NIPSNAP1: variants seen among roughly 807,000 people sequenced by gnomAD.
The protein encoded by NIPSNAP1 is nipsnap homolog 1.
NIPSNAP1 carries 25 observed loss-of-function variants against 49.2 expected under a neutral mutation model. The ratio of observed to expected loss-of-function variants is 0.51; its 90% CI spans 0.37 to 0.71. The LOEUF (loss-of-function observed/expected upper bound fraction) is 0.71, where lower values mean the gene tolerates loss of function less well. NIPSNAP1 is among the 30% of genes least tolerant of loss of function. The pLI, the probability that NIPSNAP1 is intolerant of heterozygous loss-of-function variation, is 0.00. For synonymous variants in NIPSNAP1, 143 were observed against 140.7 expected, an observed-to-expected ratio of 1.02 and a Z score of -0.12; for missense variants, 294 against 361.0, an observed-to-expected ratio of 0.81 and a Z score of 1.50.
chr22:29,557,984 T>C (rs2064307710), intron 9 of NIPSNAP1, among the ~76,000 whole-genome samples: 1 of 152,162 alleles, frequency 6.6e-6, no homozygotes, highest in Non-Finnish European at 1.5e-5. Flanking sequence ...TGTTCAAGGC[T>C]GGGCACAGTA....
chr22:29,572,801 A>AAAAAT lies in NIPSNAP1; in HGVS notation c.99-2274_99-2270dup, dbSNP rs1555973374. 7.4e-3 allele frequency among the ~76,000 whole-genome samples: 997 copies of AAAAAT among 134,174 alleles called. 5 individuals carry two copies. The highest frequency in any genetic ancestry group is 0.026 in the Middle Eastern group (7 of 272). 88.0% of individuals were successfully genotyped at this position (134,174 alleles called of 152,430 possible). ...GCAACAGAGTGAGACTCTATCTCAA[A>AAAAAT]AAAATAAAATAAAATAAAATAAAAT... is the stretch of plus-strand genomic sequence containing the variant. On this transcript the variant is annotated intron_variant, in intron 1 of 9. Transcript: ENST00000216121.
chr22:29,573,768 C>CAAAAAAAAAAA (rs695672), intron 1 of NIPSNAP1, among the ~76,000 whole-genome samples: 4,573 of 123,998 alleles, frequency 0.037, 110 homozygotes, highest in African/African-American at 0.048. Context: ...AACTCTGTCT[C>CAAAAAAAAAAA]AAAAAAAAAA....
intron 1 of NIPSNAP1, among the ~76,000 whole-genome samples, chr22:29,574,949 C>A (rs2064440750): frequency 6.6e-6 from 1 of 152,090 alleles, no homozygotes. Context: ...TATTAGTATT[C>A]CCATTCTCGC....
chr22:29,560,240 C>CTT (rs202147566), intron 8 of NIPSNAP1, among the ~76,000 whole-genome samples: 9 of 108,170 alleles, frequency 8.3e-5, no homozygotes, highest in Admixed American at 7.8e-4. Context: ...TCTCTCCCTG[C>CTT]CTTTTTTTTT....
intron 4 of NIPSNAP1, among the ~76,000 whole-genome samples, chr22:29,565,127 C>T (rs942104636): frequency 1.1e-4 from 17 of 151,444 alleles, no homozygotes; most frequent in African/African-American, 3.9e-4. Context: ...TCGCCTGAGC[C>T]TAGGAGTTCA....
intron 1 of NIPSNAP1, among the ~76,000 whole-genome samples, chr22:29,572,100 C>T (rs1601494890): frequency 1.3e-5 from 2 of 151,648 alleles, no homozygotes; most frequent in South Asian, 2.1e-4. Context: ...GTCAGGAGTT[C>T]GAGACCAGCC....
chr22:29,558,524 C>T (rs1397471354), intron 9 of NIPSNAP1, among the ~76,000 whole-genome samples: 1 of 151,966 alleles, frequency 6.6e-6, no homozygotes. Context: ...GTAGAATCTT[C>T]CGTTATAGCC....
intron 5 of NIPSNAP1, 48 bp downstream of exon 5, chr22:29,561,744 G>A (rs368283450): frequency 6.2e-7 from 1 of 1,613,086 alleles, no homozygotes; most frequent in East Asian, 2.2e-5. Flanking sequence ...AACAGGGCTG[G>A]GCTGCATCCC....
At position 29,561,211 on chromosome 22, in the gene NIPSNAP1, G is replaced by T; in HGVS notation, c.580-9C>A. The T allele has an allele frequency of 1.2e-6, 2 of 1,613,164 alleles. No homozygotes were observed. The highest frequency in any genetic ancestry group is 2.2e-5 in the South Asian group (2 of 91,066). ...TCGATCATGGTTCCTGGCTGAAAGA[G>T]AACCAAAGGGATGATGGGAATGAGC... is the stretch of plus-strand genomic sequence containing the variant. On this transcript the variant is annotated splice_polypyrimidine_tract_variant and intron_variant, in intron 6 of 9. Transcript: ENST00000216121.
intron 7 of NIPSNAP1, 134 bp downstream of exon 7, chr22:29,561,037 C>T: frequency 1.0e-6 from 1 of 985,666 alleles, no homozygotes; most frequent in Non-Finnish European, 1.6e-6. Flanking sequence ...GATCCTTCTC[C>T]CAGATCCATG....
rs1228230240 is a variant in NIPSNAP1, at chr22:29,566,512, T to G, written c.367+2681A>C. On this transcript the variant is annotated intron_variant, in intron 4 of 9. Coordinates refer to ENST00000216121, the MANE Select transcript of NIPSNAP1 (RefSeq NM_003634.4). ...ACTTTAAATTTTATGTAATTTTAAC[T>G]AATATAAATTTCAATAGCTACATGT... Among the ~76,000 whole-genome samples the G allele has an allele frequency of 2.6e-5, 4 of 152,122 alleles. No individual in the cohort carries two copies. The East Asian group carries it at 7.7e-4, about 29-fold the overall frequency.
At chr22:29,576,840 G>A (rs1056985393) in intron 1 of NIPSNAP1, among the ~76,000 whole-genome samples, 5 of 150,572 alleles carry the variant, frequency 3.3e-5, no homozygotes, top group Admixed American at 6.6e-5. Context: ...CAGGAGAATC[G>A]CTTGAACTCA....
chr22:29,570,433 C>T lies in NIPSNAP1; in HGVS notation c.198G>A (p.Lys66=). The part of the protein sequence containing the change: ...KDAHSTLLSK[K]ETSNLYKIQF... ...GGATCTTATAGAGGTTGCTGGTTTC[C>T]TTCTTGGACAGCAGGGTGGAGTGGG... Residue 66 remains lysine, a synonymous_variant, in exon 2 of 10, where the codon AAG becomes AAA. Transcript: ENST00000216121. 9 of 1,614,172 alleles carry T rather than the reference C, an allele frequency of 5.6e-6. No individual in the cohort carries two copies. Among genetic ancestry groups the T allele is most frequent in the Non-Finnish European group, 7.6e-6 (9 of 1,180,030 alleles).
At chr22:29,566,414 G>A (rs920106435) in intron 4 of NIPSNAP1, among the ~76,000 whole-genome samples, 1 of 152,048 alleles carries the variant, frequency 6.6e-6, no homozygotes, top group Non-Finnish European at 1.5e-5. Flanking sequence ...GAACTCCTGG[G>A]CTCAAGCAGT....
rs1601485046 is a variant in NIPSNAP1, at chr22:29,555,775, C to T, written c.*160G>A. On this transcript the variant is annotated 3_prime_UTR_variant, in exon 10 of 10. Transcript: ENST00000216121. ...AGGGCCTGGGCAGAGCTGTAATCCTCAGAACTTGTCAGCCTTCAGTTCCCC... is the reference window on the plus strand; with the variant it reads ...AGGGCCTGGGCAGAGCTGTAATCCTTAGAACTTGTCAGCCTTCAGTTCCCC... The T allele has an allele frequency of 9.8e-6, 7 of 711,772 alleles. No homozygotes were observed. The East Asian group carries it at 1.9e-4, about 19-fold the overall frequency. 44.1% of individuals were successfully genotyped at this position (711,772 alleles called of 1,614,324 possible).
chr22:29,576,416 T>G (rs748406531), intron 1 of NIPSNAP1, among the ~76,000 whole-genome samples: 2 of 151,370 alleles, frequency 1.3e-5, no homozygotes, highest in Admixed American at 6.6e-5. Flanking sequence ...TTTGGCTTAT[T>G]ATGTGCTTTG....
In NIPSNAP1 at chr22:29,570,636, T is replaced by C; in HGVS notation, c.99-104A>G. ...CCCCTAGACCAGTGACCCACATTTC[T>C]GGGAACAGGGCCACGGAGTCCTGTG... On this transcript the variant is annotated intron_variant, in intron 1 of 9. Coordinates refer to ENST00000216121, the MANE Select transcript of NIPSNAP1 (RefSeq NM_003634.4). The C allele has an allele frequency of 4.8e-6, 7 of 1,472,972 alleles. 1 individual carries two copies. In the South Asian group the frequency reaches 8.9e-5, roughly 19 times the overall value. 91.2% of individuals were successfully genotyped at this position (1,472,972 alleles called of 1,614,324 possible). A position where few individuals can be genotyped will look rare whatever the true frequency, so the allele number is the denominator to read the frequency against.
At chr22:29,560,662 C>T in intron 8 of NIPSNAP1, 72 bp downstream of exon 8, 1 of 1,199,686 alleles carries the variant, frequency 8.3e-7, no homozygotes, top group East Asian at 2.3e-5. Flanking sequence ...ACTAATACAA[C>T]CCCATTGGCT....
intron 1 of NIPSNAP1, among the ~76,000 whole-genome samples, chr22:29,574,391 T>C (rs1298562670): frequency 6.6e-6 from 1 of 152,044 alleles, no homozygotes; most frequent in Non-Finnish European, 1.5e-5. Context: ...TCTTTATTCA[T>C]TGTAATTTTT....
Sources: gnomAD v4.1 joint callset for allele counts (sites outside exome capture counted in the v4.1 genomes callset) on GRCh38, gnomAD v4.1.1 for gene constraint, MANE v1.5 for transcripts, NCBI Gene and HGNC (gene_info 2026-07-23, HGNC 2026-07-21) for gene names.